Variants in CDH13 observed in about 807,000 individuals in gnomAD.
CDH13 encodes the protein cadherin-13.
A neutral mutation model predicts 63.8 loss-of-function variants in CDH13; 24 were observed. The ratio of observed to expected loss-of-function variants is 0.38; its 90% CI spans 0.27 to 0.53. The LOEUF is 0.53. CDH13 is among the 20% of genes least tolerant of loss of function. The pLI, the probability that CDH13 is intolerant of heterozygous loss-of-function variation, is 0.85. For synonymous variants in CDH13, 503 were observed against 355.3 expected (o/e 1.42, Z -4.67); for missense variants, 1,049 against 903.1 (o/e 1.16, Z -2.07).
intron 10 of CDH13, among the ~76,000 whole-genome samples, chr16:83,739,033 C>T (rs1033989422): frequency 2.6e-5 from 4 of 152,190 alleles, no homozygotes; most frequent in Admixed American, 2.6e-4. Flanking sequence ...ACACAACAGG[C>T]CTGAGACTGC....
chr16:82,819,652 C>G (rs888958796), intron 1 of CDH13, among the ~76,000 whole-genome samples: 3 of 152,176 alleles, frequency 2.0e-5, no homozygotes, highest in Non-Finnish European at 4.4e-5. Flanking sequence ...AGAGGAGATG[C>G]CACTGGGCAG....
In CDH13 at chr16:82,647,170, C is replaced by T. The variant is rs534758769; in HGVS notation, c.45+20033C>T. Among the ~76,000 whole-genome samples, 9 of 152,232 alleles carry T rather than the reference C, an allele frequency of 5.9e-5. 1 individual carries two copies. The East Asian group carries it at 1.5e-3, about 26-fold the overall frequency. ...CTCAGTTACCAGATCTATGAAATGT[C>T]GGCAGTGAAACCTAGCTGATATGAC... On this transcript the variant is annotated intron_variant, in intron 1 of 13. Coordinates refer to ENST00000567109, the MANE Select transcript of CDH13 (RefSeq NM_001257.5).
intron 10 of CDH13, among the ~76,000 whole-genome samples, chr16:83,709,634 C>G (rs373949412): frequency 6.6e-6 from 1 of 152,230 alleles, no homozygotes. Context: ...CAGTGAGCCT[C>G]TTAAAATACA....
intron 6 of CDH13, among the ~76,000 whole-genome samples, chr16:83,386,955 T>A (rs2091686144): frequency 6.6e-6 from 1 of 152,210 alleles, no homozygotes; most frequent in South Asian, 2.1e-4. Flanking sequence ...CCCTGAAACA[T>A]CATCTTTAGC....
chr16:82,793,543 C>G (rs1450925599), intron 1 of CDH13, among the ~76,000 whole-genome samples: 1 of 152,204 alleles, frequency 6.6e-6, no homozygotes, highest in Non-Finnish European at 1.5e-5. Context: ...TGGTTATTCT[C>G]ATTTCCATGT....
chr16:83,147,159 T>G (rs991141937), intron 4 of CDH13, among the ~76,000 whole-genome samples: 2 of 152,170 alleles, frequency 1.3e-5, no homozygotes, highest in Non-Finnish European at 2.9e-5. Flanking sequence ...TTTTGAGATG[T>G]GTGAAGAGGT....
At chr16:83,121,014 G>C (rs918948748) in intron 3 of CDH13, among the ~76,000 whole-genome samples, 2 of 151,902 alleles carry the variant, frequency 1.3e-5, no homozygotes, top group Non-Finnish European at 2.9e-5. Context: ...CTCCCGCCTC[G>C]GCCTCCCAAA....
intron 6 of CDH13, among the ~76,000 whole-genome samples, chr16:83,345,693 C>A (rs986771341): frequency 2.0e-5 from 3 of 152,116 alleles, no homozygotes; most frequent in African/African-American, 7.2e-5. Context: ...CAGCCAGCAG[C>A]TGAAGTCACT....
chr16:83,404,541 T>C (rs1156249388), intron 6 of CDH13, among the ~76,000 whole-genome samples: 1 of 152,248 alleles, frequency 6.6e-6, no homozygotes, highest in Non-Finnish European at 1.5e-5. Flanking sequence ...TTATTATTGC[T>C]GTATTGAATG....
chr16:83,078,540 C>G (rs2033013658), intron 3 of CDH13, among the ~76,000 whole-genome samples: 1 of 152,200 alleles, frequency 6.6e-6, no homozygotes, highest in Admixed American at 6.5e-5. Context: ...GTAATGCTCA[C>G]TTGTCAGAGG....
intron 1 of CDH13, among the ~76,000 whole-genome samples, chr16:82,633,504 A>ACC (rs1908280060): frequency 6.6e-6 from 1 of 152,072 alleles, no homozygotes; most frequent in Non-Finnish European, 1.5e-5. Flanking sequence ...TCAGCCTCCC[A>ACC]AGTAGCTGGG....
At chr16:82,872,191 C>G (rs540490702) in intron 2 of CDH13, among the ~76,000 whole-genome samples, 2 of 152,144 alleles carry the variant, frequency 1.3e-5, no homozygotes, top group Non-Finnish European at 2.9e-5. Flanking sequence ...TTTTTAGAAC[C>G]CAGCATACAC....
At chr16:83,652,043 A>G (rs1201510401) in intron 8 of CDH13, among the ~76,000 whole-genome samples, 1 of 152,178 alleles carries the variant, frequency 6.6e-6, no homozygotes, top group Admixed American at 6.5e-5. Flanking sequence ...CTGATTCCCA[A>G]GGGAACGATT....
At chr16:82,892,766 A>C (rs1412569221) in intron 2 of CDH13, among the ~76,000 whole-genome samples, 8 of 152,170 alleles carry the variant, frequency 5.3e-5, no homozygotes. Context: ...ATGTTTAGTG[A>C]ATTTTTCAAA....
chr16:83,377,471 C>G lies in CDH13; in HGVS notation c.781+32465C>G, dbSNP rs531898767. Among the ~76,000 whole-genome samples the G allele has an allele frequency of 5.7e-4, 87 of 152,244 alleles. 1 individual carries two copies. The highest frequency in any genetic ancestry group is 1.9e-3 in the African/African-American group (79 of 41,548). ...TCCTGGGGTTTCCTCTTTGATGGGA[C>G]TGTCAAACTCTTGGGTGAGCTTTAT... On this transcript the variant is annotated intron_variant, in intron 6 of 13. Transcript: ENST00000567109.
intron 9 of CDH13, among the ~76,000 whole-genome samples, chr16:83,676,603 G>C (rs774341714): frequency 6.6e-6 from 1 of 152,222 alleles, no homozygotes; most frequent in African/African-American, 2.4e-5. Flanking sequence ...TGTGTTACAA[G>C]GATTGAACCG....
chr16:82,806,603 G>A (rs2037158460), intron 1 of CDH13, among the ~76,000 whole-genome samples: 4 of 152,156 alleles, frequency 2.6e-5, no homozygotes, highest in African/African-American at 7.2e-5. Flanking sequence ...TTTAATTCCT[G>A]CCCAAACTTT....
intron 1 of CDH13, among the ~76,000 whole-genome samples, chr16:82,849,219 G>A (rs1433851738): frequency 2.6e-5 from 4 of 152,168 alleles, no homozygotes; most frequent in African/African-American, 9.7e-5. Context: ...AGTGTCAGGT[G>A]AAAGCCAAGC....
At chr16:83,364,828 A>C (rs2091228253) in intron 6 of CDH13, among the ~76,000 whole-genome samples, 1 of 152,200 alleles carries the variant, frequency 6.6e-6, no homozygotes, top group Admixed American at 6.5e-5. Flanking sequence ...CAAACACCAC[A>C]TGTTCTCCCT....
Sources: allele counts gnomAD v4.1 joint callset (sites outside exome capture counted in the v4.1 genomes callset), GRCh38; gene constraint gnomAD v4.1.1; transcripts MANE v1.5; gene names NCBI Gene and HGNC (gene_info 2026-07-23, HGNC 2026-07-21).